Variants in OXR1 observed in about 807,000 individuals in gnomAD.
OXR1 encodes oxidation resistance protein 1.
OXR1 carries 41 observed loss-of-function variants against 104.6 expected under a neutral mutation model. The ratio of observed to expected loss-of-function variants is 0.39; its 90% CI spans 0.31 to 0.51. OXR1 has a LOEUF of 0.51. Ranked by LOEUF, OXR1 falls within the 20% of genes least tolerant of loss-of-function variation. The probability of loss-of-function intolerance (pLI) is 0.77; values close to 1 mark genes in which losing one functional copy is unlikely to be tolerated. For missense variants in OXR1, 955 were observed against 1,031.9 expected, an observed-to-expected ratio of 0.93 and a Z score of 1.02; for synonymous variants, 348 against 348.4, an observed-to-expected ratio of 1.00 and a Z score of 0.01.
intron 1 of OXR1, among the ~76,000 whole-genome samples, chr8:106,340,669 G>A (rs1000279235): frequency 4.6e-5 from 7 of 152,096 alleles, no homozygotes; most frequent in South Asian, 4.1e-4. Flanking sequence ...TGACAATTGC[G>A]GTGAAACAGC....
intron 2 of OXR1, among the ~76,000 whole-genome samples, chr8:106,505,747 G>A (rs1020263741): frequency 2.6e-5 from 4 of 152,206 alleles, no homozygotes; most frequent in African/African-American, 9.6e-5. Context: ...GAATCTTGAA[G>A]GATATCAAGG....
chr8:106,427,705 T>C (rs1819189716), intron 2 of OXR1, among the ~76,000 whole-genome samples: 1 of 152,230 alleles, frequency 6.6e-6, no homozygotes, highest in African/African-American at 2.4e-5. Context: ...GTGAAGACTA[T>C]GTTCTGACAG....
At chr8:106,635,316 A>G (rs1823037012) in intron 3 of OXR1, among the ~76,000 whole-genome samples, 1 of 152,202 alleles carries the variant, frequency 6.6e-6, no homozygotes, top group African/African-American at 2.4e-5. Flanking sequence ...AAAATCTTGA[A>G]AATTGTTGCA....
At chr8:106,618,901 G>A (rs1821462052) in intron 3 of OXR1, among the ~76,000 whole-genome samples, 1 of 151,574 alleles carries the variant, frequency 6.6e-6, no homozygotes, top group Non-Finnish European at 1.5e-5. Context: ...TTTGGTTGAA[G>A]TTTTGGTCAA....
chr8:106,464,846 G>A (rs1821092337), intron 2 of OXR1, among the ~76,000 whole-genome samples: 1 of 152,004 alleles, frequency 6.6e-6, no homozygotes, highest in Non-Finnish European at 1.5e-5. Flanking sequence ...TCTGTTCCTT[G>A]TTCTGTATCA....
chr8:106,308,331 C>T (rs562679766), intron 1 of OXR1, among the ~76,000 whole-genome samples: 8 of 152,246 alleles, frequency 5.3e-5, no homozygotes, highest in Admixed American at 3.3e-4. Context: ...AGGGTGACTG[C>T]GCACATTGGT....
intron 2 of OXR1, among the ~76,000 whole-genome samples, chr8:106,375,259 T>C (rs1816862549): frequency 6.6e-6 from 1 of 152,216 alleles, no homozygotes; most frequent in South Asian, 2.1e-4. Flanking sequence ...GACGATGATA[T>C]AAAAAGATTT....
chr8:106,477,626 AT>A (rs925000637), intron 2 of OXR1, among the ~76,000 whole-genome samples: 16 of 151,646 alleles, frequency 1.1e-4, no homozygotes, highest in Non-Finnish European at 2.1e-4. Context: ...ATACCTTTTT[AT>A]TTTTTTCAAT....
intron 3 of OXR1, among the ~76,000 whole-genome samples, chr8:106,595,246 A>G (rs1819425817): frequency 6.6e-6 from 1 of 152,236 alleles, no homozygotes; most frequent in Middle Eastern, 3.4e-3. Context: ...AAGAAGTATC[A>G]TTTCTCCTTA....
chr8:106,528,181 G>C (rs1296615021), intron 3 of OXR1, among the ~76,000 whole-genome samples: 1 of 148,974 alleles, frequency 6.7e-6, no homozygotes, highest in Non-Finnish European at 1.5e-5. Flanking sequence ...TTCCCTCCTT[G>C]TGTTAAAATG....
chr8:106,544,952 T>TA (rs1815238569), intron 3 of OXR1, among the ~76,000 whole-genome samples: 1 of 152,206 alleles, frequency 6.6e-6, no homozygotes, highest in Admixed American at 6.5e-5. Context: ...TTACCATTGT[T>TA]ATTTAACATC....
At chr8:106,703,115 T>C in intron 8 of OXR1, 25 bp downstream of exon 8, 1 of 1,506,574 alleles carries the variant, frequency 6.6e-7, no homozygotes, top group Non-Finnish European at 9.2e-7. Flanking sequence ...TATATTCCTT[T>C]GCAACTTTAT....
chr8:106,292,664 A>G (rs1382368980), intron 1 of OXR1, among the ~76,000 whole-genome samples: 1 of 152,212 alleles, frequency 6.6e-6, no homozygotes, highest in Non-Finnish European at 1.5e-5. Flanking sequence ...GTGATAAAGC[A>G]TGACAAGCAT....
chr8:106,661,089 A>G (rs1825717608), intron 3 of OXR1, among the ~76,000 whole-genome samples: 1 of 151,890 alleles, frequency 6.6e-6, no homozygotes, highest in African/African-American at 2.4e-5. Context: ...GAGGCAGGAG[A>G]ATTGCTTGAA....
At chr8:106,553,249 G>GA (rs1216698159) in intron 3 of OXR1, among the ~76,000 whole-genome samples, 1 of 148,540 alleles carries the variant, frequency 6.7e-6, no homozygotes, top group Non-Finnish European at 1.5e-5. Flanking sequence ...TCATACTGTG[G>GA]AAAAAAATAA....
intron 9 of OXR1, chr8:106,707,457 TCACTC>T (rs1443954868): frequency 2.0e-6 from 1 of 507,772 alleles, no homozygotes; most frequent in Non-Finnish European, 3.4e-6. Context: ...ATACCTTTGA[TCACTC>T]CATTTTCTCT....
At chr8:106,707,292 A>T in intron 9 of OXR1, 147 bp downstream of exon 9, 1 of 723,360 alleles carries the variant, frequency 1.4e-6, no homozygotes, top group Non-Finnish European at 2.5e-6. Context: ...GGACAAGTAT[A>T]TACAGTCTCC....
At chr8:106,588,846 G>A (rs1436326249) in intron 3 of OXR1, among the ~76,000 whole-genome samples, 1 of 152,144 alleles carries the variant, frequency 6.6e-6, no homozygotes, top group Admixed American at 6.6e-5. Context: ...TCCTATCAGG[G>A]CTTGTATATC....
chr8:106,569,013 A>G (rs1563612072), intron 3 of OXR1, among the ~76,000 whole-genome samples: 1 of 152,148 alleles, frequency 6.6e-6, no homozygotes, highest in Non-Finnish European at 1.5e-5. Context: ...TTTTTCAGTA[A>G]CATGCTGGAC....
Sources: allele counts gnomAD v4.1 joint callset (sites outside exome capture counted in the v4.1 genomes callset), GRCh38; gene constraint gnomAD v4.1.1; transcripts MANE v1.5; gene names NCBI Gene and HGNC (gene_info 2026-07-23, HGNC 2026-07-21).